The following RPS6KA6 variants were observed in gnomAD, a reference collection of about 807,000 sequenced individuals.
RPS6KA6 encodes the protein ribosomal protein S6 kinase alpha-6.
Under a neutral mutation model 65.4 loss-of-function variants are expected in RPS6KA6, and 27 were observed. That is an observed-to-expected ratio of 0.41 (90% CI 0.30 to 0.57). RPS6KA6 has a LOEUF of 0.57. RPS6KA6 is among the 20% of genes least tolerant of loss of function. The probability of loss-of-function intolerance (pLI) is 0.24; values close to 1 mark genes in which losing one functional copy is unlikely to be tolerated. For synonymous variants in RPS6KA6, 190 were observed against 184.2 expected, an observed-to-expected ratio of 1.03 and a Z score of -0.26; for missense variants, 486 against 555.6, an observed-to-expected ratio of 0.87 and a Z score of 1.26.
rs944903243 is a variant in RPS6KA6 at position 84,061,682 on chromosome X, C to G, written c.*2595G>C. ...GAAAAACAAATTCAATATCCTCCCCCTTCAAGAACAATAAAACCCCAAACT... is the reference window on the plus strand; with the variant it reads ...GAAAAACAAATTCAATATCCTCCCCGTTCAAGAACAATAAAACCCCAAACT... On this transcript the variant is annotated 3_prime_UTR_variant, in exon 22 of 22. Coordinates refer to ENST00000262752, the MANE Select transcript of RPS6KA6 (RefSeq NM_014496.5). 2 of 108,318 alleles carry G rather than the reference C, an allele frequency of 1.8e-5. No homozygotes were observed. Among genetic ancestry groups the G allele is most frequent in the African/African-American group, 3.4e-5 (1 of 29,835 alleles). The allele number at this position is 108,318 out of a possible 1,213,427, so 8.9% of individuals were successfully genotyped here.
Position 84,119,876 on chromosome X carries a change from G to A in RPS6KA6, c.789+9C>T. On this transcript the variant is annotated intron_variant, in intron 9 of 21. Transcript: ENST00000262752. ...GGTTGGCATAATTAAAACAAATAAT[G>A]CTACTTACCATAAGAACACCATATG... 2 of 1,142,759 alleles carry A rather than the reference G, an allele frequency of 1.8e-6. No homozygotes were observed. The highest frequency in any genetic ancestry group is 4.5e-5 in the South Asian group (2 of 44,254). 94.2% of individuals were successfully genotyped at this position (1,142,759 alleles called of 1,213,427 possible).
At chrX:84,109,532 T>A (rs1047421889) in intron 12 of RPS6KA6, among the ~76,000 whole-genome samples, 2 of 110,962 alleles carry the variant, frequency 1.8e-5, no homozygotes, top group African/African-American at 6.6e-5. Context: ...TTCTGAGCAT[T>A]CTGTGGGCGC....
intron 12 of RPS6KA6, among the ~76,000 whole-genome samples, chrX:84,113,169 T>TA (rs997402908): frequency 1.4e-4 from 15 of 110,259 alleles, no homozygotes; most frequent in African/African-American, 4.3e-4. Context: ...GAGCCAGTAA[T>TA]AAAAAAATGT....
intron 20 of RPS6KA6, among the ~76,000 whole-genome samples, chrX:84,094,538 G>C (rs2034114916): frequency 9.1e-6 from 1 of 109,524 alleles, no homozygotes; most frequent in South Asian, 4.0e-4. Flanking sequence ...CCAGCTACTT[G>C]GGAGGCTGAG....
intron 3 of RPS6KA6, among the ~76,000 whole-genome samples, chrX:84,150,871 TAGGATATATATATATAG>T (rs2035292654): frequency 2.0e-5 from 2 of 98,567 alleles, no homozygotes; most frequent in African/African-American, 3.7e-5. Context: ...AGGATATATA[TAGGATATATATATATAG>T]AGGATATATA....
chrX:84,117,322 T>A (rs1222971175), intron 10 of RPS6KA6, 62 bp downstream of exon 10: 1 of 808,367 alleles, frequency 1.2e-6, no homozygotes, highest in Admixed American at 3.9e-5. Context: ...CCGCAATAAT[T>A]TTTTCAAAAC....
chrX:84,102,364 C>G (rs1301792277), intron 17 of RPS6KA6, among the ~76,000 whole-genome samples, 166 bp from the exon 18 acceptor site: 1 of 110,639 alleles, frequency 9.0e-6, no homozygotes, highest in Admixed American at 9.7e-5. Context: ...CTAAAATATA[C>G]ACAGGAAATT....
At chrX:84,182,944 G>T (rs763191363) in intron 1 of RPS6KA6, among the ~76,000 whole-genome samples, 1 of 112,283 alleles carries the variant, frequency 8.9e-6, no homozygotes, top group African/African-American at 3.2e-5. Context: ...AGAATTACAG[G>T]CCTAAGGCCC....
intron 20 of RPS6KA6, among the ~76,000 whole-genome samples, chrX:84,093,277 T>C (rs2034085117): frequency 8.9e-6 from 1 of 112,182 alleles, no homozygotes. Context: ...CTATGTCTGA[T>C]GGGCAGCAAA....
At chrX:84,070,395 G>A (rs1032695700) in intron 20 of RPS6KA6, among the ~76,000 whole-genome samples, 6 of 110,245 alleles carry the variant, frequency 5.4e-5, no homozygotes, top group African/African-American at 2.0e-4. Flanking sequence ...GGCCTGTCGG[G>A]GGTTAGGGAG....
At chrX:84,126,886 C>T (rs886377002) in intron 8 of RPS6KA6, among the ~76,000 whole-genome samples, 13 of 108,310 alleles carry the variant, frequency 1.2e-4, no homozygotes, top group African/African-American at 3.7e-4. Flanking sequence ...GTGCTTACAT[C>T]AAAAAAAAAT....
At chrX:84,141,584 G>T (rs772257611) in intron 6 of RPS6KA6, among the ~76,000 whole-genome samples, 3 of 110,906 alleles carry the variant, frequency 2.7e-5, no homozygotes, top group Non-Finnish European at 5.7e-5. Flanking sequence ...TGGACTCTCA[G>T]ATTGGATTAA....
chrX:84,073,948 T>C (rs1485550037), intron 20 of RPS6KA6, among the ~76,000 whole-genome samples: 1 of 111,623 alleles, frequency 9.0e-6, no homozygotes, highest in Non-Finnish European at 1.9e-5. Flanking sequence ...ACAGCCACTA[T>C]GGAAAACTGC....
chrX:84,181,597 T>C (rs897788722), intron 1 of RPS6KA6, among the ~76,000 whole-genome samples: 2 of 111,720 alleles, frequency 1.8e-5, no homozygotes, highest in Non-Finnish European at 3.8e-5. Flanking sequence ...TTTTTTTACT[T>C]TGGCCTAGAG....
At chrX:84,142,701 G>A (rs1240271212) in intron 6 of RPS6KA6, among the ~76,000 whole-genome samples, 1 of 111,101 alleles carries the variant, frequency 9.0e-6, no homozygotes, top group Non-Finnish European at 1.9e-5. Flanking sequence ...AGGACAATAA[G>A]GGAATATTAT....
At chrX:84,159,700 C>T (rs1375422865) in intron 2 of RPS6KA6, among the ~76,000 whole-genome samples, 1 of 110,936 alleles carries the variant, frequency 9.0e-6, no homozygotes, top group Non-Finnish European at 1.9e-5. Flanking sequence ...TGTCCCCTAA[C>T]AGTTAATATG....
chrX:84,116,665 C>T (rs552029930), intron 11 of RPS6KA6, among the ~76,000 whole-genome samples: 1 of 109,437 alleles, frequency 9.1e-6, no homozygotes, highest in African/African-American at 3.3e-5. Flanking sequence ...ATAATAGGAT[C>T]GCATCTGGAT....
At position 84,159,660 on chromosome X, in the gene RPS6KA6, A is replaced by G. The variant is rs573941210; in HGVS notation, c.142-3469T>C. On this transcript the variant is annotated intron_variant, in intron 2 of 21. Coordinates refer to ENST00000262752, the MANE Select transcript of RPS6KA6 (RefSeq NM_014496.5). The stretch of plus-strand genomic sequence containing the variant: ...AACATCACATCCGTCAAAGAAACAA[A>G]AAGCTACAAGTATGCTATGGGCTAA... 1.2e-4 allele frequency among the ~76,000 whole-genome samples: 13 copies of G among 111,252 alleles called. No individual in the cohort carries two copies. In the South Asian group the frequency reaches 4.2e-3, roughly 36 times the overall value.
intron 3 of RPS6KA6, among the ~76,000 whole-genome samples, chrX:84,151,050 G>A (rs1370837939): frequency 3.2e-5 from 3 of 94,596 alleles, no homozygotes; most frequent in Non-Finnish European, 4.1e-5. Context: ...TATATATAGA[G>A]GATAGATATA....
Sources: allele counts gnomAD v4.1 joint callset (sites outside exome capture counted in the v4.1 genomes callset), GRCh38; gene constraint gnomAD v4.1.1; transcripts MANE v1.5; gene names NCBI Gene and HGNC (gene_info 2026-07-23, HGNC 2026-07-21).